KCNIP4: variants seen among roughly 807,000 people sequenced by gnomAD.
The protein encoded by KCNIP4 is potassium voltage-gated channel interacting protein 4, also known as Kv channel-interacting protein 4.
A neutral mutation model predicts 34.0 loss-of-function variants in KCNIP4; 12 were observed. The observed-to-expected ratio is 0.35, with a 90% CI of 0.23 to 0.57. The LOEUF is 0.57. Among genes scored for constraint, KCNIP4 ranks in the 20% least tolerant of loss-of-function variants. The pLI is 0.83. For missense variants in KCNIP4, 238 were observed against 311.7 expected (o/e 0.76, Z 1.78); for synonymous variants, 124 against 102.2 (o/e 1.21, Z -1.29).
intron 1 of KCNIP4, among the ~76,000 whole-genome samples, chr4:21,228,769 T>C (rs1175451352): frequency 6.6e-6 from 1 of 152,176 alleles, no homozygotes. Flanking sequence ...TATAACACTT[T>C]TGTTCTTTTG....
chr4:21,801,115 C>T (rs184954690), intron 1 of KCNIP4, among the ~76,000 whole-genome samples: 1 of 152,126 alleles, frequency 6.6e-6, no homozygotes, highest in Non-Finnish European at 1.5e-5. Context: ...AATGTGTTCC[C>T]TCGGATGATT....
chr4:21,384,621 TTTACC>T (rs2109489282), intron 1 of KCNIP4, among the ~76,000 whole-genome samples: 1 of 152,312 alleles, frequency 6.6e-6, no homozygotes, highest in African/African-American at 2.4e-5. Context: ...ACATTGAACA[TTTACC>T]GTGTGCTCAC....
chr4:21,330,968 G>A (rs1715574159), intron 1 of KCNIP4, among the ~76,000 whole-genome samples: 1 of 152,074 alleles, frequency 6.6e-6, no homozygotes, highest in Non-Finnish European at 1.5e-5. Flanking sequence ...AGCCCAACCT[G>A]GATCAGGACC....
chr4:20,845,437 G>A (rs1720251475), intron 3 of KCNIP4, among the ~76,000 whole-genome samples: 1 of 152,012 alleles, frequency 6.6e-6, no homozygotes, highest in East Asian at 1.9e-4. Flanking sequence ...ACAATAAATG[G>A]CCCCTAACTG....
rs866298178 is a variant in KCNIP4 at position 21,015,554 on chromosome 4, A to T, written c.62-132845T>A. Among the ~76,000 whole-genome samples, 18 of 131,512 alleles carry T rather than the reference A, an allele frequency of 1.4e-4. 1 individual carries two copies. Among genetic ancestry groups the T allele is most frequent in the African/African-American group, 2.9e-4 (10 of 34,286 alleles). 86.3% of individuals were successfully genotyped at this position (131,512 alleles called of 152,430 possible). A position where few individuals can be genotyped will look rare whatever the true frequency, so the allele number is the denominator to read the frequency against. On this transcript the variant is annotated intron_variant, in intron 1 of 8. Transcript: ENST00000382152. Reference sequence around the variant, plus strand: ...TATAATATATTATATTATTATAATTAATATAATATAGTATATTGTATTAAT... The same window carrying T: ...TATAATATATTATATTATTATAATTTATATAATATAGTATATTGTATTAAT...
At chr4:21,377,935 C>T (rs1721115727) in intron 1 of KCNIP4, among the ~76,000 whole-genome samples, 1 of 152,160 alleles carries the variant, frequency 6.6e-6, no homozygotes, top group African/African-American at 2.4e-5. Context: ...TGGTGTTTCA[C>T]TGGAAGATTG....
At chr4:21,215,774 G>T (rs910097034) in intron 1 of KCNIP4, among the ~76,000 whole-genome samples, 4 of 152,100 alleles carry the variant, frequency 2.6e-5, no homozygotes, top group African/African-American at 2.4e-5. Context: ...AAAATTAAAG[G>T]TTAAAGTCTA....
At chr4:21,496,453 T>C (rs1254238033) in intron 1 of KCNIP4, among the ~76,000 whole-genome samples, 1 of 152,194 alleles carries the variant, frequency 6.6e-6, no homozygotes. Context: ...CCAATTCTAA[T>C]GACAGGGTAG....
At chr4:21,380,106 G>A (rs924818259) in intron 1 of KCNIP4, among the ~76,000 whole-genome samples, 1 of 151,888 alleles carries the variant, frequency 6.6e-6, no homozygotes, top group African/African-American at 2.4e-5. Flanking sequence ...ACAAAATTGA[G>A]GGCTATTATT....
intron 1 of KCNIP4, among the ~76,000 whole-genome samples, chr4:21,287,704 T>C (rs188936134): frequency 2.6e-4 from 39 of 152,286 alleles, no homozygotes; most frequent in South Asian, 4.1e-4. Context: ...AAACCTATTT[T>C]GCAAGGAATT....
intron 1 of KCNIP4, among the ~76,000 whole-genome samples, chr4:21,649,921 C>A (rs1747344704): frequency 6.6e-6 from 1 of 152,210 alleles, no homozygotes; most frequent in African/African-American, 2.4e-5. Flanking sequence ...TTATCACAGG[C>A]AGGTGGCTTA....
At chr4:21,191,089 T>G (rs1755611708) in intron 1 of KCNIP4, among the ~76,000 whole-genome samples, 1 of 152,204 alleles carries the variant, frequency 6.6e-6, no homozygotes, top group South Asian at 2.1e-4. Context: ...ATTCAATTTG[T>G]CATTTATTAC....
intron 1 of KCNIP4, among the ~76,000 whole-genome samples, chr4:21,765,626 C>CT (rs1442780324): frequency 1.3e-5 from 2 of 151,290 alleles, no homozygotes; most frequent in African/African-American, 2.4e-5. Flanking sequence ...TTTTTCTTTT[C>CT]TTTTTTTTCT....
At chr4:20,835,268 C>T (rs1016828752) in intron 3 of KCNIP4, among the ~76,000 whole-genome samples, 6 of 152,102 alleles carry the variant, frequency 3.9e-5, no homozygotes, top group African/African-American at 1.4e-4. Context: ...TACTGATCCT[C>T]TAAATGCTAG....
intron 5 of KCNIP4, among the ~76,000 whole-genome samples, chr4:20,746,786 C>A (rs1752508546): frequency 6.6e-6 from 1 of 152,130 alleles, no homozygotes; most frequent in South Asian, 2.1e-4. Flanking sequence ...TCCAGGGCCC[C>A]TCCTATCATA....
rs535261253 is a variant in KCNIP4 at position 21,692,638 on chromosome 4, A to C, written c.61+255933T>G. Among the ~76,000 whole-genome samples, 6 of 152,274 alleles carry C rather than the reference A, an allele frequency of 3.9e-5. No homozygotes were observed. In the South Asian group the frequency reaches 6.2e-4, roughly 16 times the overall value. On this transcript the variant is annotated intron_variant, in intron 1 of 8. Transcript: ENST00000382152. ...TTTTATATGCATTTGAATAATAAAAATTTTACATGATGCTTTAAGAAATAT... is the reference window on the plus strand; with the variant it reads ...TTTTATATGCATTTGAATAATAAAACTTTTACATGATGCTTTAAGAAATAT...
Position 21,338,401 on chromosome 4 carries a change from G to A in KCNIP4, c.62-455692C>T, listed in dbSNP as rs150385552. On this transcript the variant is annotated intron_variant, in intron 1 of 8. Transcript: ENST00000382152. ...AACCATTTTTTTTAAATACATTGCT[G>A]AGTGCATAGTGCATTGCTATCCTAA... 2.7e-3 allele frequency among the ~76,000 whole-genome samples: 411 copies of A among 151,198 alleles called. 1 individual carries two copies. The highest frequency in any genetic ancestry group is 9.2e-3 in the African/African-American group (381 of 41,256).
intron 1 of KCNIP4, among the ~76,000 whole-genome samples, chr4:21,167,341 G>C (rs924261682): frequency 1.3e-5 from 2 of 152,152 alleles, no homozygotes. Context: ...ACAATTTGTT[G>C]TATGTCAAGT....
intron 5 of KCNIP4, among the ~76,000 whole-genome samples, chr4:20,746,711 G>A (rs1752495872): frequency 6.6e-6 from 1 of 152,156 alleles, no homozygotes; most frequent in African/African-American, 2.4e-5. Flanking sequence ...AGAAGGTTAA[G>A]TACTCAGCCT....
Sources: allele counts gnomAD v4.1 joint callset (sites outside exome capture counted in the v4.1 genomes callset), GRCh38; gene constraint gnomAD v4.1.1; transcripts MANE v1.5; gene names NCBI Gene and HGNC (gene_info 2026-07-23, HGNC 2026-07-21).